The following NR3C1 variants were observed in gnomAD, a reference collection of about 807,000 sequenced individuals.
The protein encoded by NR3C1 is glucocorticoid receptor.
A neutral mutation model predicts 74.0 loss-of-function variants in NR3C1; 14 were observed. The observed-to-expected ratio is 0.19, with a 90% CI of 0.12 to 0.30. NR3C1 has a LOEUF of 0.30. Ranked by LOEUF, NR3C1 falls within the 10% of genes least tolerant of loss-of-function variation. NR3C1 has a pLI of 1.00. For synonymous variants in NR3C1, 308 were observed against 332.5 expected (o/e 0.93, Z 0.80); for missense variants, 695 against 909.8 (o/e 0.76, Z 3.04).
chr5:143,327,193 G>C (rs2151680035), intron 2 of NR3C1, among the ~76,000 whole-genome samples: 1 of 152,264 alleles, frequency 6.6e-6, no homozygotes, highest in South Asian at 2.1e-4. Flanking sequence ...GGAAGGGGCA[G>C]GGGAAGCAAG....
intron 7 of NR3C1, among the ~76,000 whole-genome samples, chr5:143,290,737 A>G (rs549488557): frequency 1.2e-4 from 18 of 151,686 alleles, no homozygotes; most frequent in African/African-American, 3.1e-4. Flanking sequence ...CCGGCTTTTT[A>G]TAGTTTTAGT....
intron 3 of NR3C1, among the ~76,000 whole-genome samples, chr5:143,310,837 T>C (rs892510712): frequency 6.6e-6 from 1 of 152,102 alleles, no homozygotes; most frequent in Non-Finnish European, 1.5e-5. Context: ...TTTATATTTT[T>C]AGTAGAGACA....
chr5:143,369,156 T>A (rs976907331), intron 2 of NR3C1, among the ~76,000 whole-genome samples: 4 of 152,118 alleles, frequency 2.6e-5, no homozygotes, highest in African/African-American at 9.7e-5. Flanking sequence ...GGGACAAACA[T>A]TCGAACCACA....
At chr5:143,286,177 T>C (rs1454671829) in intron 7 of NR3C1, among the ~76,000 whole-genome samples, 1 of 152,100 alleles carries the variant, frequency 6.6e-6, no homozygotes, top group Non-Finnish European at 1.5e-5. Context: ...AATAAACATA[T>C]TATCAGTAAA....
At chr5:143,405,853 C>T (rs368642778), upstream of NR3C1, among the ~76,000 whole-genome samples, 333 of 152,254 alleles carry the variant, frequency 2.2e-3, 1 homozygote, top group African/African-American at 7.6e-3. Context: ...GGATGCTCAT[C>T]TGTGAGGCTA....
rs1458571496 is a variant in NR3C1 at position 143,282,034 on chromosome 5, T to C, written c.2189A>G (p.Glu730Gly). 6.2e-7 allele frequency: 1 copy of C among 1,613,596 alleles called. No homozygotes were observed. The highest frequency in any genetic ancestry group is 8.5e-7 in the Non-Finnish European group (1 of 1,179,716). Residue 730 changes from glutamate (E) to glycine (G), a missense_variant, in exon 9 of 9, where the codon GAA becomes GGA. Around this residue, in one of 4 missense-constraint regions of NR3C1, gnomAD observed 133 missense variants for 287.9 expected, o/e 0.46. Coordinates refer to ENST00000394464, the MANE Select transcript of NR3C1 (RefSeq NM_000176.3). ...KLLDSMHEVV[E>G]NLLNYCFQTF... Reference sequence around the variant, plus strand: ...TTGGAAGCAATAGTTAAGGAGATTTTCAACCACCTGCAAGAGAAGATATGG... The same window carrying C: ...TTGGAAGCAATAGTTAAGGAGATTTCCAACCACCTGCAAGAGAAGATATGG...
At chr5:143,387,880 C>T (rs1837532467) in intron 2 of NR3C1, among the ~76,000 whole-genome samples, 1 of 152,198 alleles carries the variant, frequency 6.6e-6, no homozygotes, top group Non-Finnish European at 1.5e-5. Context: ...TGATTACACA[C>T]ACACTTATCT....
chr5:143,404,300 G>A (rs1840899555), upstream of NR3C1: 4 of 985,564 alleles, frequency 4.1e-6, no homozygotes, highest in South Asian at 4.7e-5. Context: ...GCCGCGCTCG[G>A]GGCCGGGCGG....
intron 2 of NR3C1, among the ~76,000 whole-genome samples, chr5:143,357,336 G>A (rs1297323853): frequency 6.6e-6 from 1 of 151,904 alleles, no homozygotes; most frequent in Non-Finnish European, 1.5e-5. Context: ...TTTAACCAAT[G>A]GGAAAAAGAA....
chr5:143,354,698 G>A (rs919715374), intron 2 of NR3C1, among the ~76,000 whole-genome samples: 11 of 152,020 alleles, frequency 7.2e-5, no homozygotes, highest in Admixed American at 3.3e-4. Flanking sequence ...CAAGGTGAGC[G>A]GATCACCTGA....
chr5:143,394,421 C>G (rs777712287), intron 2 of NR3C1, among the ~76,000 whole-genome samples: 13 of 151,876 alleles, frequency 8.6e-5, no homozygotes, highest in Non-Finnish European at 1.6e-4. Flanking sequence ...CAGAAAAATA[C>G]ATAACCCATA....
chr5:143,411,850 G>A (rs1167170949), intron 1 of NR3C1, among the ~76,000 whole-genome samples: 1 of 152,086 alleles, frequency 6.6e-6, no homozygotes, highest in Non-Finnish European at 1.5e-5. Flanking sequence ...AGTATGAGTT[G>A]TAGGGGCTAA....
chr5:143,333,040 G>A (rs1826333708), intron 2 of NR3C1: 1 of 1,593,632 alleles, frequency 6.3e-7, no homozygotes, highest in African/African-American at 1.3e-5. Context: ...GGGAAGTTTG[G>A]CTTCATTTGC....
intron 7 of NR3C1, among the ~76,000 whole-genome samples, chr5:143,292,702 G>A (rs988527250): frequency 6.6e-6 from 1 of 152,142 alleles, no homozygotes; most frequent in Non-Finnish European, 1.5e-5. Flanking sequence ...TCTGAAGCTA[G>A]TCCTCACTCA....
chr5:143,362,164 A>G (rs2151824131), intron 2 of NR3C1, among the ~76,000 whole-genome samples: 1 of 152,272 alleles, frequency 6.6e-6, no homozygotes, highest in Admixed American at 6.5e-5. Context: ...GAAGCAGCCC[A>G]GGGAATTTTT....
intron 7 of NR3C1, among the ~76,000 whole-genome samples, chr5:143,285,379 G>A (rs1188688815): frequency 2.0e-5 from 3 of 152,050 alleles, no homozygotes; most frequent in Admixed American, 1.3e-4. Context: ...AGATATAGCA[G>A]ACAAATCTAA....
chr5:143,281,832 A>G lies in NR3C1; in HGVS notation c.*57T>C, dbSNP rs1813159050. ...CCTCTACAGGACAAACTGATAGTTT[A>G]TACAATAAAAGCTATTAATTCGACT... On this transcript the variant is annotated 3_prime_UTR_variant, in exon 9 of 9. Transcript: ENST00000394464. 1 of 1,493,188 alleles carries G rather than the reference A, an allele frequency of 6.7e-7. No homozygotes were observed. The highest frequency in any genetic ancestry group is 9.3e-7 in the Non-Finnish European group (1 of 1,072,550). The allele number at this position is 1,493,188 out of a possible 1,614,324, so 92.5% of individuals were successfully genotyped here.
chr5:143,300,536 A>T lies in NR3C1; in HGVS notation c.1696T>A (p.Leu566Ile). The change falls in exon 5 of 9, where the codon TTA (leucine) becomes ATA (isoleucine). Residue 566 changes from leucine (L) to isoleucine (I), a missense_variant. Physicochemically the swap from Leu to Ile is conservative, Grantham distance 5 (BLOSUM62 2). Transcript: ENST00000394464. This position sits in a 1 kb window ranked among gnomAD's most constrained non-coding sequence, Gnocchi z 5.2. ...GCTGCAATCACTTGCCGCCCTCCTAACATGTTGAGCGTAGTCATGATCCTC... is the reference window on the plus strand; with the variant it reads ...GCTGCAATCACTTGCCGCCCTCCTATCATGTTGAGCGTAGTCATGATCCTC... ...TWRIMTTLNM[L>I]GGRQVIAAVK... 1 of 1,614,146 alleles carries T rather than the reference A, an allele frequency of 6.2e-7. No homozygotes were observed. The highest frequency in any genetic ancestry group is 1.1e-5 in the South Asian group (1 of 91,082).
intron 2 of NR3C1, among the ~76,000 whole-genome samples, chr5:143,396,593 A>T (rs553898280): frequency 6.6e-6 from 1 of 151,940 alleles, no homozygotes; most frequent in African/African-American, 2.4e-5. Context: ...ACAGGTCTTC[A>T]ATTTCATTAC....
Sources: allele counts gnomAD v4.1 joint callset (sites outside exome capture counted in the v4.1 genomes callset), GRCh38; gene constraint gnomAD v4.1.1; regional missense constraint gnomAD v4.1.1; non-coding constraint Gnocchi (gnomAD v3.1); transcripts MANE v1.5; gene names NCBI Gene and HGNC (gene_info 2026-07-23, HGNC 2026-07-21).